CYBRD1: variants seen among roughly 807,000 people sequenced by gnomAD.
The protein encoded by CYBRD1 is plasma membrane ascorbate-dependent reductase CYBRD1.
Under a neutral mutation model 21.9 loss-of-function variants are expected in CYBRD1, and 14 were observed. The ratio of observed to expected loss-of-function variants is 0.64; its 90% CI spans 0.42 to 1.00. The LOEUF is 1.00. Among genes scored for constraint, CYBRD1 ranks in the 50% least tolerant of loss-of-function variants. The pLI, the probability that CYBRD1 is intolerant of heterozygous loss-of-function variation, is 0.00. For missense variants in CYBRD1, 328 were observed against 352.5 expected (o/e 0.93, Z 0.56); for synonymous variants, 146 against 136.5 (o/e 1.07, Z -0.48).
At chr2:171,533,959 G>A (rs561563292) in intron 1 of CYBRD1, among the ~76,000 whole-genome samples, 1 of 151,968 alleles carries the variant, frequency 6.6e-6, no homozygotes, top group Admixed American at 6.6e-5. Flanking sequence ...GCCTGTCTTG[G>A]CCTCCCAAAG....
At chr2:171,541,468 G>C in intron 1 of CYBRD1, 117 bp from the exon 2 acceptor site, 1 of 1,003,982 alleles carries the variant, frequency 1.0e-6, no homozygotes, top group Non-Finnish European at 1.5e-6. Flanking sequence ...GAGGGGAGAA[G>C]CAAAAGCCAA....
chr2:171,556,962 A>G lies in CYBRD1; in HGVS notation c.*2135A>G, dbSNP rs184139887. Reference sequence around the variant, plus strand: ...TGGCCATTCCTTTTTGTATAGGCTAAGAAACAGGTTATCAGTGAAAAGTTA... The same window carrying G: ...TGGCCATTCCTTTTTGTATAGGCTAGGAAACAGGTTATCAGTGAAAAGTTA... On this transcript the variant is annotated 3_prime_UTR_variant, in exon 4 of 4. Transcript: ENST00000321348. 1.0e-3 allele frequency: 160 copies of G among 152,736 alleles called. 1 individual carries two copies. The highest frequency in any genetic ancestry group is 3.6e-3 in the African/African-American group (149 of 41,560). 9.5% of individuals were successfully genotyped at this position (152,736 alleles called of 1,614,324 possible). A position where few individuals can be genotyped will look rare whatever the true frequency, so the allele number is the denominator to read the frequency against.
intron 1 of CYBRD1, among the ~76,000 whole-genome samples, chr2:171,538,839 C>G (rs1051365761): frequency 6.6e-6 from 1 of 152,022 alleles, no homozygotes; most frequent in Non-Finnish European, 1.5e-5. Flanking sequence ...ATTCTGTTGC[C>G]CAGGCTGGAG....
At chr2:171,532,125 A>G (rs1035638207) in intron 1 of CYBRD1, among the ~76,000 whole-genome samples, 17 of 152,224 alleles carry the variant, frequency 1.1e-4, no homozygotes, top group Admixed American at 2.0e-4. Flanking sequence ...AAGTTTATTT[A>G]AAGAAGATTC....
At chr2:171,533,552 A>G (rs1427086894) in intron 1 of CYBRD1, among the ~76,000 whole-genome samples, 1 of 151,968 alleles carries the variant, frequency 6.6e-6, no homozygotes, top group Non-Finnish European at 1.5e-5. Flanking sequence ...CCCTCTAAGC[A>G]CTCTTCCCCT....
intron 1 of CYBRD1, among the ~76,000 whole-genome samples, chr2:171,536,553 G>A (rs570197547): frequency 1.3e-5 from 2 of 152,080 alleles, no homozygotes; most frequent in African/African-American, 2.4e-5. Flanking sequence ...TGACCCACCC[G>A]CCTTGGCCTC....
upstream of CYBRD1, chr2:171,522,472 C>T (rs1297561938): frequency 1.9e-6 from 3 of 1,542,010 alleles, no homozygotes; most frequent in South Asian, 2.4e-5. This position sits in a 1 kb window ranked among gnomAD's most constrained non-coding sequence, Gnocchi z 4.3. Context: ...TCCCGCCGCC[C>T]GGCCACTACC....
At chr2:171,553,019 T>C (rs145391702) in intron 2 of CYBRD1, among the ~76,000 whole-genome samples, 8 of 152,262 alleles carry the variant, frequency 5.3e-5, no homozygotes, top group African/African-American at 1.7e-4. Context: ...ATAAATAAAT[T>C]GTTATAGCCT....
chr2:171,545,644 C>T (rs927132423), intron 2 of CYBRD1, among the ~76,000 whole-genome samples: 2 of 151,498 alleles, frequency 1.3e-5, no homozygotes, highest in Non-Finnish European at 2.9e-5. Flanking sequence ...CCGCCTCGGC[C>T]TCCCAAAGTG....
intron 2 of CYBRD1, among the ~76,000 whole-genome samples, chr2:171,545,875 T>C (rs962444045): frequency 1.1e-4 from 17 of 152,174 alleles, no homozygotes; most frequent in African/African-American, 4.1e-4. Context: ...TTTTGAAATA[T>C]ACAATAAATT....
In CYBRD1 at chr2:171,555,845, G is replaced by A. The variant is rs904100592; in HGVS notation, c.*1018G>A. The A allele has an allele frequency of 1.3e-5, 2 of 152,260 alleles. No homozygotes were observed. The highest frequency in any genetic ancestry group is 2.9e-5 in the Non-Finnish European group (2 of 68,060). 9.4% of individuals were successfully genotyped at this position (152,260 alleles called of 1,614,324 possible). On this transcript the variant is annotated 3_prime_UTR_variant, in exon 4 of 4. Transcript: ENST00000321348. ...CACACGGCTCATACATGGTGGGACT[G>A]AGACTCAGATGCAGGCAGTCTGGCA...
chr2:171,546,906 A>T (rs144445884), intron 2 of CYBRD1, among the ~76,000 whole-genome samples: 2 of 152,236 alleles, frequency 1.3e-5, no homozygotes, highest in African/African-American at 4.8e-5. Flanking sequence ...TAGAAGATGA[A>T]TTGGAGGCTG....
intron 1 of CYBRD1, among the ~76,000 whole-genome samples, chr2:171,531,751 G>A (rs1372485944): frequency 6.6e-6 from 1 of 152,124 alleles, no homozygotes; most frequent in African/African-American, 2.4e-5. Context: ...AGACAACCAG[G>A]TAGTATCAAA....
chr2:171,544,266 A>G (rs1049612732), intron 2 of CYBRD1, among the ~76,000 whole-genome samples: 19 of 152,176 alleles, frequency 1.2e-4, no homozygotes, highest in African/African-American at 4.3e-4. Flanking sequence ...TTTCATTTAT[A>G]TATATTGCTA....
intron 1 of CYBRD1, among the ~76,000 whole-genome samples, chr2:171,525,931 G>A (rs1574430927): frequency 1.9e-5 from 2 of 103,564 alleles, no homozygotes; most frequent in East Asian, 3.0e-4. Flanking sequence ...TGGGCAACAA[G>A]AGCGAAACTC....
intron 2 of CYBRD1, among the ~76,000 whole-genome samples, chr2:171,547,860 G>A (rs1697739597): frequency 6.6e-6 from 1 of 152,050 alleles, no homozygotes; most frequent in South Asian, 2.1e-4. Context: ...TTGTTGAACT[G>A]CTCATAATCA....
intron 1 of CYBRD1, among the ~76,000 whole-genome samples, chr2:171,536,391 G>A (rs1412875197): frequency 6.6e-6 from 1 of 151,988 alleles, no homozygotes; most frequent in Non-Finnish European, 1.5e-5. Context: ...TGCAACCTCC[G>A]CCTCCCGGGT....
chr2:171,543,413 A>G (rs1410782629), intron 2 of CYBRD1, among the ~76,000 whole-genome samples: 1 of 151,982 alleles, frequency 6.6e-6, no homozygotes, highest in Non-Finnish European at 1.5e-5. Context: ...TCATCTCCCT[A>G]CCAGCAATGG....
At chr2:171,533,573 C>T in intron 1 of CYBRD1, among the ~76,000 whole-genome samples, 1 of 152,154 alleles carries the variant, frequency 6.6e-6, no homozygotes, top group East Asian at 1.9e-4. Flanking sequence ...ACCACACACA[C>T]TTTGACAGAT....
Sources: gnomAD v4.1 joint callset for allele counts (sites outside exome capture counted in the v4.1 genomes callset) on GRCh38, gnomAD v4.1.1 for gene constraint, Gnocchi (gnomAD v3.1) non-coding constraint, MANE v1.5 for transcripts, NCBI Gene and HGNC (gene_info 2026-07-23, HGNC 2026-07-21) for gene names.